Variants in ZNF107 observed in about 807,000 individuals in gnomAD.
ZNF107 encodes zinc finger protein 107.
In ZNF107, 19 loss-of-function variants were observed where a neutral mutation model predicts 12.3. The ratio of observed to expected loss-of-function variants is 1.55; its 90% CI spans 1.08 to 2.27. The LOEUF (loss-of-function observed/expected upper bound fraction) is 2.27, where lower values mean the gene tolerates loss of function less well. Among genes scored for constraint, ZNF107 ranks in the 30% most tolerant of loss-of-function variants. ZNF107 has a pLI of 0.00. For synonymous variants in ZNF107, 317 were observed against 330.5 expected (o/e 0.96, Z 0.44); for missense variants, 958 against 979.9 (o/e 0.98, Z 0.30).
rs914630101 is a variant in ZNF107 at position 64,711,086 on chromosome 7, A to G, written c.*2430A>G. ...AAACTTTTTTTAACATGTTAAAACT[A>G]TTGTGCATTCAATGAAGTGTTTTCA... On this transcript the variant is annotated 3_prime_UTR_variant, in exon 4 of 4. Coordinates refer to ENST00000620827, the MANE Select transcript of ZNF107 (RefSeq NM_001282359.2). 3 of 152,166 alleles carry G rather than the reference A, an allele frequency of 2.0e-5. No individual in the cohort carries two copies. The highest frequency in any genetic ancestry group is 7.2e-5 in the African/African-American group (3 of 41,458). The allele number at this position is 152,166 out of a possible 1,614,324, so 9.4% of individuals were successfully genotyped here. A position where few individuals can be genotyped will look rare whatever the true frequency, so the allele number is the denominator to read the frequency against.
intron 3 of ZNF107, among the ~76,000 whole-genome samples, chr7:64,699,578 G>A (rs957185390): frequency 1.6e-4 from 24 of 151,972 alleles, no homozygotes; most frequent in Admixed American, 1.2e-3. Context: ...ACATACTATG[G>A]GACCACCATG....
At chr7:64,692,144 C>A (rs1156733268) in intron 3 of ZNF107, among the ~76,000 whole-genome samples, 184 bp downstream of exon 3, 2 of 152,102 alleles carry the variant, frequency 1.3e-5, no homozygotes, top group African/African-American at 4.8e-5. Context: ...CTTTTAAATT[C>A]TCTAAGGATT....
chr7:64,676,298 T>C (rs1789412702), intron 1 of ZNF107, among the ~76,000 whole-genome samples: 1 of 152,220 alleles, frequency 6.6e-6, no homozygotes, highest in Non-Finnish European at 1.5e-5. Flanking sequence ...TTTCTGATTG[T>C]GGTCAGTTTT....
chr7:64,689,889 A>G (rs2862797), intron 1 of ZNF107: 52,378 of 152,144 alleles, frequency 0.34, 10,244 homozygotes, highest in South Asian at 0.52. Context: ...GTTGGTATCC[A>G]GTTGAGAGTT....
At position 64,708,379 on chromosome 7, in the gene ZNF107, A is replaced by G. The variant is rs910980216; in HGVS notation, c.2282A>G (p.Tyr761Cys). The change falls in exon 4 of 4, where the codon TAT (tyrosine) becomes TGT (cysteine). Residue 761 changes from tyrosine (Y) to cysteine (C), a missense_variant. Tyr to Cys is a radical substitution (Grantham distance 194). Transcript: ENST00000620827. ...HKKIHTGEKP[Y>C]KCEECGKAFN... ...AAAATTCATACTGGAGAGAAACCCT[A>G]TAAATGTGAAGAATGTGGCAAAGCT... The G allele has an allele frequency of 2.5e-6, 4 of 1,613,116 alleles. No homozygotes were observed. Among genetic ancestry groups the G allele is most frequent in the Admixed American group, 3.3e-5 (2 of 59,980 alleles).
rs540380889 is a variant in ZNF107 at position 64,677,316 on chromosome 7, C to T, written c.3+11031C>T. Among the ~76,000 whole-genome samples the T allele has an allele frequency of 1.1e-4, 16 of 151,804 alleles. No homozygotes were observed. In the South Asian group the frequency reaches 2.3e-3, roughly 22 times the overall value. On this transcript the variant is annotated intron_variant, in intron 1 of 3. Transcript: ENST00000620827. ...CTTCCCAAGTAGCTGGGATTACAGG[C>T]ATGCATCACCATGCCTGGCAAATTT...
intron 1 of ZNF107, chr7:64,684,749 T>C (rs993986305): frequency 7.9e-5 from 78 of 982,792 alleles, no homozygotes; most frequent in Non-Finnish European, 9.2e-5. Context: ...TAGGGCACTC[T>C]GTATAACTTC....
At chr7:64,687,888 A>G (rs1448432210) in intron 1 of ZNF107, among the ~76,000 whole-genome samples, 1 of 152,212 alleles carries the variant, frequency 6.6e-6, no homozygotes, top group African/African-American at 2.4e-5. Flanking sequence ...TATTTTCCAA[A>G]CACTGTCTAG....
chr7:64,684,365 G>C (rs1285664443), intron 1 of ZNF107, among the ~76,000 whole-genome samples: 2 of 152,068 alleles, frequency 1.3e-5, no homozygotes, highest in South Asian at 4.1e-4. Context: ...ACTCTGGCCA[G>C]ACAGCCCATC....
In ZNF107 at chr7:64,707,881, G is replaced by C. The variant is rs1562848050; in HGVS notation, c.1784G>C (p.Cys595Ser). The C allele has an allele frequency of 2.5e-6, 4 of 1,613,680 alleles. No individual in the cohort carries two copies. The highest frequency in any genetic ancestry group is 2.5e-6 in the Non-Finnish European group (3 of 1,179,788). ...IVHTKEKLNK[C>S]EEFGKAFKQS... Reference sequence around the variant, plus strand: ...CATACTAAAGAGAAACTCAACAAATGTGAAGAATTTGGCAAGGCCTTTAAA... The same window carrying C: ...CATACTAAAGAGAAACTCAACAAATCTGAAGAATTTGGCAAGGCCTTTAAA... The change falls in exon 4 of 4, where the codon TGT becomes TCT. Residue 595 changes from cysteine to serine, a missense_variant. Physicochemically the swap from Cys to Ser is moderately radical, Grantham distance 112 (BLOSUM62 -1). Transcript: ENST00000620827.
intron 3 of ZNF107, among the ~76,000 whole-genome samples, chr7:64,700,959 A>G (rs1327748045): frequency 1.3e-5 from 2 of 152,206 alleles, no homozygotes; most frequent in Non-Finnish European, 2.9e-5. Context: ...TGTTATTGAA[A>G]ATAGGGTCTT....
chr7:64,680,473 A>G (rs1346220555), intron 1 of ZNF107, among the ~76,000 whole-genome samples: 7 of 152,134 alleles, frequency 4.6e-5, no homozygotes. Context: ...GAGGACCCCC[A>G]GTGGAACTAT....
At position 64,691,919 on chromosome 7, in the gene ZNF107, C is replaced by A; in HGVS notation, c.185C>A (p.Pro62His). 6.5e-7 allele frequency: 1 copy of A among 1,533,972 alleles called. No individual in the cohort carries two copies. The highest frequency in any genetic ancestry group is 8.7e-7 in the Non-Finnish European group (1 of 1,144,208). The change falls in exon 3 of 4, where the codon CCC (proline) becomes CAC (histidine). Residue 62 changes from proline (P) to histidine (H), a missense_variant. Coordinates refer to ENST00000620827, the MANE Select transcript of ZNF107 (RefSeq NM_001282359.2). ...ACCTGTCTGGAGCAAAAAAAAGAGCCCTGGAATATAAAAAGACATGAGATG... is the reference window on the plus strand; with the variant it reads ...ACCTGTCTGGAGCAAAAAAAAGAGCACTGGAATATAAAAAGACATGAGATG... The part of the protein sequence containing the change: ...LITCLEQKKE[P>H]WNIKRHEMVA...
At chr7:64,679,700 C>G (rs1789576029) in intron 1 of ZNF107, among the ~76,000 whole-genome samples, 2 of 152,180 alleles carry the variant, frequency 1.3e-5, no homozygotes, top group African/African-American at 2.4e-5. Flanking sequence ...TGATTTGGAA[C>G]CTAAACATCT....
At position 64,677,582 on chromosome 7, in the gene ZNF107, G is replaced by C. The variant is rs563207366; in HGVS notation, c.3+11297G>C. Among the ~76,000 whole-genome samples, 10 of 151,520 alleles carry C rather than the reference G, an allele frequency of 6.6e-5. No individual in the cohort carries two copies. The South Asian group carries it at 2.1e-3, about 32-fold the overall frequency. On this transcript the variant is annotated intron_variant, in intron 1 of 3. Coordinates refer to ENST00000620827, the MANE Select transcript of ZNF107 (RefSeq NM_001282359.2). ...GATGTCCAAGAGTTCGGCTAGGCGT[G>C]GTGGCTCACGCCTGTAATCCCAGCA...
intron 1 of ZNF107, among the ~76,000 whole-genome samples, chr7:64,673,181 T>A (rs1183253744): frequency 6.6e-6 from 1 of 152,136 alleles, no homozygotes; most frequent in Non-Finnish European, 1.5e-5. Context: ...GTAGCTGGGA[T>A]TACAGGTGCC....
At chr7:64,705,980 C>T (rs1317479386) in intron 3 of ZNF107, among the ~76,000 whole-genome samples, 1 of 147,878 alleles carries the variant, frequency 6.8e-6, no homozygotes, top group Non-Finnish European at 1.5e-5. Flanking sequence ...AAAAAAAAAA[C>T]ACTAAGAGTT....
chr7:64,704,613 C>G (rs1030898988), intron 3 of ZNF107, among the ~76,000 whole-genome samples: 1 of 152,124 alleles, frequency 6.6e-6, no homozygotes, highest in African/African-American at 2.4e-5. Flanking sequence ...GGAAGGAACT[C>G]CTTTCAGTAT....
At chr7:64,690,409 A>G in intron 1 of ZNF107, 3 of 985,376 alleles carry the variant, frequency 3.0e-6, no homozygotes, top group Non-Finnish European at 3.6e-6. Flanking sequence ...GTCTGGCCCC[A>G]CCCTGGAGTC....
Sources: allele counts gnomAD v4.1 joint callset (sites outside exome capture counted in the v4.1 genomes callset), GRCh38; gene constraint gnomAD v4.1.1; transcripts MANE v1.5; gene names NCBI Gene and HGNC (gene_info 2026-07-23, HGNC 2026-07-21).